LIMA1: variants seen among roughly 807,000 people sequenced by gnomAD.
LIMA1 encodes LIM domain and actin binding 1.
Under a neutral mutation model 62.6 loss-of-function variants are expected in LIMA1, and 52 were observed. The ratio of observed to expected loss-of-function variants is 0.83; its 90% CI spans 0.67 to 1.05. The LOEUF (loss-of-function observed/expected upper bound fraction) is 1.05, where lower values mean the gene tolerates loss of function less well. LIMA1 is among the 50% of genes least tolerant of loss of function. LIMA1 has a pLI of 0.00. For missense variants in LIMA1, 780 were observed against 902.2 expected (o/e 0.86, Z 1.74); for synonymous variants, 302 against 317.8 (o/e 0.95, Z 0.53).
chr12:50,262,390 G>C (rs1942082603), intron 1 of LIMA1, among the ~76,000 whole-genome samples: 1 of 151,984 alleles, frequency 6.6e-6, no homozygotes, highest in Non-Finnish European at 1.5e-5. Context: ...GTCTGGAGAA[G>C]GGCTCAAAAA....
chr12:50,207,305 T>C (rs1464189794), intron 4 of LIMA1, among the ~76,000 whole-genome samples: 1 of 152,144 alleles, frequency 6.6e-6, no homozygotes, highest in African/African-American at 2.4e-5. Flanking sequence ...AGGTAGATCT[T>C]TAATGAAAGT....
At chr12:50,224,906 T>TC (rs1326567133) in intron 3 of LIMA1, among the ~76,000 whole-genome samples, 2 of 148,940 alleles carry the variant, frequency 1.3e-5, no homozygotes, top group African/African-American at 5.0e-5. Context: ...ATTTTTTTTT[T>TC]TTTTTTTTTT....
chr12:50,181,890 T>C lies in LIMA1; in HGVS notation c.1274+14A>G, dbSNP rs1421948027. The C allele has an allele frequency of 3.2e-5, 52 of 1,613,962 alleles. No homozygotes were observed. The highest frequency in any genetic ancestry group is 4.3e-5 in the Non-Finnish European group (51 of 1,180,000). On this transcript the variant is annotated intron_variant, in intron 10 of 10. Transcript: ENST00000341247. The stretch of plus-strand genomic sequence containing the variant: ...TCCAGTTATAGACAGATGGCTTGTT[T>C]TGGGCTGACTTACCTGAGTTTGTTG...
intron 8 of LIMA1, among the ~76,000 whole-genome samples, chr12:50,192,978 C>CTGTGTGTGTG (rs558118348): frequency 8.2e-4 from 119 of 145,218 alleles, no homozygotes; most frequent in African/African-American, 3.0e-3. Context: ...ATTTTGTACT[C>CTGTGTGTGTG]TGTGTGTGTG....
chr12:50,268,390 G>A (rs1942165233), intron 1 of LIMA1, among the ~76,000 whole-genome samples: 1 of 152,076 alleles, frequency 6.6e-6, no homozygotes. Context: ...CCTCTCATAT[G>A]GAGTCCAAAC....
Position 50,177,607 on chromosome 12 carries a change from T to C in LIMA1, c.1737A>G (p.Arg579=). 2 of 1,611,182 alleles carry C rather than the reference T, an allele frequency of 1.2e-6. No homozygotes were observed. Among genetic ancestry groups the C allele is most frequent in the Non-Finnish European group, 8.5e-7 (1 of 1,178,806 alleles). The change falls in exon 11 of 11, where the codon AGA becomes AGG. Residue 579 remains arginine, a synonymous_variant. Coordinates refer to ENST00000341247, the MANE Select transcript of LIMA1 (RefSeq NM_016357.5). The part of the protein sequence containing the change: ...EDVDLDLKKL[R]RSSSLKERSR... The stretch of plus-strand genomic sequence containing the variant: ...TTCTTTCCTTCAGTGAAGAAGATCG[T>C]CTTAGCTTCTTCAGATCTAGATCGA...
intron 10 of LIMA1, 125 bp from the exon 11 acceptor site, chr12:50,178,194 G>A (rs1940399412): frequency 1.5e-6 from 1 of 672,948 alleles, no homozygotes. Context: ...ATCTTTAAAA[G>A]CCCTTCAGTG....
At chr12:50,261,491 C>T (rs1488206265) in intron 1 of LIMA1, among the ~76,000 whole-genome samples, 1 of 152,124 alleles carries the variant, frequency 6.6e-6, no homozygotes, top group Non-Finnish European at 1.5e-5. Context: ...GAGCACACTA[C>T]TCCCCCCGAG....
chr12:50,250,856 G>A (rs544475320), intron 1 of LIMA1, among the ~76,000 whole-genome samples: 1 of 152,196 alleles, frequency 6.6e-6, no homozygotes, highest in East Asian at 1.9e-4. Flanking sequence ...CATAATAATA[G>A]CATTTACTTC....
intron 7 of LIMA1, among the ~76,000 whole-genome samples, chr12:50,197,193 C>A (rs1940948015): frequency 6.6e-6 from 1 of 151,498 alleles, no homozygotes; most frequent in Non-Finnish European, 1.5e-5. Flanking sequence ...GCCTCAGCCT[C>A]CCGAGTAGCT....
chr12:50,191,812 ACT>A (rs1304137373), intron 9 of LIMA1, among the ~76,000 whole-genome samples: 3 of 151,132 alleles, frequency 2.0e-5, no homozygotes, highest in Non-Finnish European at 2.9e-5. Context: ...ACAGAGCGAG[ACT>A]CTGTCTCAAA....
chr12:50,256,399 A>T (rs1941997982), intron 1 of LIMA1: 1 of 152,180 alleles, frequency 6.6e-6, no homozygotes, highest in South Asian at 2.1e-4. Flanking sequence ...ACAGTACAAG[A>T]GTTCCCATAT....
At chr12:50,218,050 G>A (rs9668955) in intron 4 of LIMA1, among the ~76,000 whole-genome samples, 99,000 of 151,144 alleles carry the variant, frequency 0.66, 34,395 homozygotes, top group East Asian at 0.9. Context: ...GACTACAGGC[G>A]CCCGCCACCA....
intron 4 of LIMA1, among the ~76,000 whole-genome samples, chr12:50,218,911 AAAAAC>A (rs372197091): frequency 1.1e-4 from 7 of 65,162 alleles, no homozygotes; most frequent in African/African-American, 5.0e-4. Flanking sequence ...AAAAAAAAAC[AAAAAC>A]AAAAAAAAAA....
At chr12:50,243,139 T>C (rs1941800863) in intron 2 of LIMA1, among the ~76,000 whole-genome samples, 1 of 152,332 alleles carries the variant, frequency 6.6e-6, no homozygotes, top group East Asian at 1.9e-4. Context: ...GAAATAAGCC[T>C]GCAGCTATAA....
chr12:50,252,239 C>T (rs1343692844), intron 1 of LIMA1, among the ~76,000 whole-genome samples: 2 of 152,118 alleles, frequency 1.3e-5, no homozygotes, highest in Non-Finnish European at 2.9e-5. Context: ...ATAGCATTAG[C>T]ACCTTTGGGG....
At position 50,195,718 on chromosome 12, in the gene LIMA1, A is replaced by G. The variant is rs1940912631; in HGVS notation, c.1030+112T>C. The G allele has an allele frequency of 3.9e-6, 4 of 1,038,558 alleles. No homozygotes were observed. In the South Asian group the frequency reaches 7.0e-5, roughly 18 times the overall value. The allele number at this position is 1,038,558 out of a possible 1,614,324, so 64.3% of individuals were successfully genotyped here. A position where few individuals can be genotyped will look rare whatever the true frequency, so the allele number is the denominator to read the frequency against. ...CAAGCATTAGCCCTTAAATTCAAGT[A>G]GAGGATTTACTATGTTATTTTCTCA... On this transcript the variant is annotated intron_variant, in intron 8 of 10. Transcript: ENST00000341247.
chr12:50,195,792 A>G lies in LIMA1; in HGVS notation c.1030+38T>C, dbSNP rs527341854. 9 of 1,575,306 alleles carry G rather than the reference A, an allele frequency of 5.7e-6. No individual in the cohort carries two copies. In the South Asian group the frequency reaches 1.1e-4, roughly 19 times the overall value. ...CCTGAACCAAATACAGATAGAAAACAAGAACCTCATCCTCCAGATCTAAGA... is the reference window on the plus strand; with the variant it reads ...CCTGAACCAAATACAGATAGAAAACGAGAACCTCATCCTCCAGATCTAAGA... On this transcript the variant is annotated intron_variant, in intron 8 of 10. Transcript: ENST00000341247.
chr12:50,204,699 A>T lies in LIMA1; in HGVS notation c.717T>A (p.Gly239=), dbSNP rs199907470. ...AGTCAAATGTAGAAGATGACAACTG[A>T]CCTGGAAGCATCCAAATAACATGTT... The part of the protein sequence containing the change: ...YSLDDLEIGP[G]QLSSSTFDSE... The change falls in exon 6 of 11, where the codon GGT becomes GGA. Residue 239 remains glycine, a splice_region_variant and synonymous_variant. Coordinates refer to ENST00000341247, the MANE Select transcript of LIMA1 (RefSeq NM_016357.5). 263 of 1,613,996 alleles carry T rather than the reference A, an allele frequency of 1.6e-4. 2 individuals are homozygous for T. The highest frequency in any genetic ancestry group is 1.5e-3 in the South Asian group (141 of 91,070).
Sources: gnomAD v4.1 joint callset for allele counts (sites outside exome capture counted in the v4.1 genomes callset) on GRCh38, gnomAD v4.1.1 for gene constraint, MANE v1.5 for transcripts, NCBI Gene and HGNC (gene_info 2026-07-23, HGNC 2026-07-21) for gene names.